Variants in ENTREP2 observed in about 807,000 individuals in gnomAD.
ENTREP2 encodes the protein endosomal transmembrane epsin interactor 2.
At chr15:29,412,420 T>C in the ENTREP2 span, among the ~76,000 whole-genome samples, 1 of 152,190 alleles carries the variant, frequency 6.6e-6, no homozygotes, top group Non-Finnish European at 1.5e-5. Flanking sequence ...ATTAACCTTC[T>C]AGCTAACCAC....
chr15:29,379,573 C>G, the ENTREP2 span, among the ~76,000 whole-genome samples: 1 of 152,102 alleles, frequency 6.6e-6, no homozygotes, highest in African/African-American at 2.4e-5. Flanking sequence ...AGCGAGCACT[C>G]TGAACATTCT....
the ENTREP2 span, among the ~76,000 whole-genome samples, chr15:29,423,739 A>G: frequency 6.6e-6 from 1 of 152,180 alleles, no homozygotes; most frequent in Admixed American, 6.5e-5. Context: ...CGGAGGCTGC[A>G]GTAAGCAGAT....
chr15:29,295,177 G>T, the ENTREP2 span, among the ~76,000 whole-genome samples: 2 of 152,226 alleles, frequency 1.3e-5, no homozygotes, highest in Non-Finnish European at 2.9e-5. Context: ...AATAATGAAT[G>T]AACTGTCTAC....
At chr15:29,306,664 A>ATTT in the ENTREP2 span, among the ~76,000 whole-genome samples, 469 of 77,296 alleles carry the variant, frequency 6.1e-3, 70 homozygotes, top group Non-Finnish European at 0.01. Flanking sequence ...ATAATTGGTA[A>ATTT]TTTTTTTTTT....
chr15:29,413,499 T>A, the ENTREP2 span, among the ~76,000 whole-genome samples: 1 of 152,226 alleles, frequency 6.6e-6, no homozygotes. Context: ...GCTTTTTGAC[T>A]GAAAGTCGAT....
chr15:29,614,469 G>T, the ENTREP2 span, among the ~76,000 whole-genome samples: 1 of 152,194 alleles, frequency 6.6e-6, no homozygotes, highest in East Asian at 1.9e-4. Flanking sequence ...CTAGAGCAGT[G>T]CCTGGTACAT....
At chr15:29,431,563 C>G in the ENTREP2 span, among the ~76,000 whole-genome samples, 2 of 151,972 alleles carry the variant, frequency 1.3e-5, no homozygotes, top group Non-Finnish European at 2.9e-5. Context: ...TTGTGAAACC[C>G]TCTCCCAAAA....
At chr15:29,642,950 G>C in the ENTREP2 span, among the ~76,000 whole-genome samples, 101 of 152,190 alleles carry the variant, frequency 6.6e-4, no homozygotes, top group African/African-American at 1.8e-3. Context: ...GGGACAACTG[G>C]ATGTCTACAT....
the ENTREP2 span, among the ~76,000 whole-genome samples, chr15:29,321,358 G>A: frequency 6.6e-6 from 1 of 152,114 alleles, no homozygotes; most frequent in Non-Finnish European, 1.5e-5. Flanking sequence ...TCCCATAAAA[G>A]TGAAAAAGAG....
the ENTREP2 span, among the ~76,000 whole-genome samples, chr15:29,436,352 T>G: frequency 3.3e-5 from 5 of 152,224 alleles, no homozygotes; most frequent in Non-Finnish European, 5.9e-5. Flanking sequence ...CCAGAGGACA[T>G]GGACTTCCTG....
the ENTREP2 span, among the ~76,000 whole-genome samples, chr15:29,189,679 G>A: frequency 4.5e-3 from 681 of 152,220 alleles, 2 homozygotes; most frequent in African/African-American, 0.016. Flanking sequence ...GTGGCTAGAT[G>A]CAGTGTCAAC....
the ENTREP2 span, among the ~76,000 whole-genome samples, chr15:29,360,194 T>G: frequency 6.6e-6 from 1 of 152,372 alleles, no homozygotes; most frequent in African/African-American, 2.4e-5. Flanking sequence ...ACAGTTATAA[T>G]AATTTTTTCT....
At chr15:29,382,554 T>A in the ENTREP2 span, among the ~76,000 whole-genome samples, 1 of 152,060 alleles carries the variant, frequency 6.6e-6, no homozygotes. Context: ...AGCAGCCCAC[T>A]CCTTTCCCAG....
At chr15:29,316,628 A>C in the ENTREP2 span, among the ~76,000 whole-genome samples, 19,904 of 152,176 alleles carry the variant, frequency 0.13, 1,712 homozygotes, top group African/African-American at 0.25. Context: ...TGACGCAAGA[A>C]TGTCCAGGAG....
the ENTREP2 span, among the ~76,000 whole-genome samples, chr15:29,559,568 C>G: frequency 2.6e-5 from 4 of 152,110 alleles, no homozygotes; most frequent in African/African-American, 9.7e-5. Context: ...CCTCGATCCT[C>G]CTGGGGGCTC....
At chr15:29,357,711 C>T in the ENTREP2 span, among the ~76,000 whole-genome samples, 133 of 152,002 alleles carry the variant, frequency 8.7e-4, no homozygotes, top group Non-Finnish European at 1.6e-3. Context: ...TGGTGGCGGG[C>T]GCCTGTAGTC....
chr15:29,155,096 C>A, the ENTREP2 span, among the ~76,000 whole-genome samples: 1 of 150,034 alleles, frequency 6.7e-6, no homozygotes, highest in South Asian at 2.1e-4. Context: ...TCCTGGCTAA[C>A]ACGGTGAAAC....
chr15:29,355,005 C>G, the ENTREP2 span, among the ~76,000 whole-genome samples: 18 of 152,098 alleles, frequency 1.2e-4, no homozygotes, highest in Non-Finnish European at 2.5e-4. Context: ...TGAGGGGAGA[C>G]TGGAGTGGGC....
chr15:29,124,729 G>A, the ENTREP2 span: 1 of 1,550,590 alleles, frequency 6.4e-7, no homozygotes, highest in Non-Finnish European at 8.7e-7. Context: ...TCCAGGTCCT[G>A]GCTACACGAC....
Sources: gnomAD v4.1 joint callset for allele counts (sites outside exome capture counted in the v4.1 genomes callset) on GRCh38, gnomAD v4.1.1 for gene constraint, MANE v1.5 for transcripts, NCBI Gene and HGNC (gene_info 2026-07-23, HGNC 2026-07-21) for gene names.